MAGED1: variants seen among roughly 807,000 people sequenced by gnomAD.
MAGED1 encodes the protein melanoma-associated antigen D1.
Under a neutral mutation model 54.1 loss-of-function variants are expected in MAGED1, and 3 were observed. The observed-to-expected ratio is 0.06, with a 90% CI of 0.03 to 0.14. MAGED1 has a LOEUF of 0.14. Among genes scored for constraint, MAGED1 ranks in the 10% least tolerant of loss-of-function variants. The pLI is 1.00. For missense variants in MAGED1, 485 were observed against 623.4 expected (o/e 0.78, Z 2.36); for synonymous variants, 217 against 227.3 (o/e 0.95, Z 0.41).
At chrX:51,898,241 A>G (rs782568674) in intron 8 of MAGED1, 44 bp from the exon 9 acceptor site, 8 of 1,209,092 alleles carry the variant, frequency 6.6e-6, no homozygotes, top group Non-Finnish European at 9.0e-6. Context: ...CCTGATTTCC[A>G]TGCTTATTTT....
intron 1 of MAGED1, among the ~76,000 whole-genome samples, chrX:51,812,509 A>G (rs1557355606): frequency 8.9e-6 from 1 of 112,223 alleles, no homozygotes; most frequent in African/African-American, 3.2e-5. Flanking sequence ...GTCTTGAAAT[A>G]TGTGGCCTTC....
intron 1 of MAGED1, among the ~76,000 whole-genome samples, chrX:51,822,120 G>A (rs181828918): frequency 1.4e-3 from 156 of 111,603 alleles, no homozygotes; most frequent in African/African-American, 4.8e-3. Context: ...GTGTTCCCTC[G>A]TCTTCCCTCC....
At chrX:51,836,683 G>C (rs1557357950) in intron 1 of MAGED1, among the ~76,000 whole-genome samples, 1 of 108,046 alleles carries the variant, frequency 9.3e-6, no homozygotes, top group African/African-American at 3.4e-5. Context: ...CCATTCTCCT[G>C]CCTCAGCCTC....
intron 1 of MAGED1, among the ~76,000 whole-genome samples, chrX:51,873,310 C>G (rs1437566304): frequency 9.0e-6 from 1 of 110,993 alleles, no homozygotes; most frequent in Non-Finnish European, 1.9e-5. Context: ...GGGTCCCTCC[C>G]TTGACATGTG....
intron 1 of MAGED1, among the ~76,000 whole-genome samples, chrX:51,849,216 G>A (rs182329756): frequency 1.2e-3 from 136 of 110,753 alleles, no homozygotes; most frequent in African/African-American, 4.0e-3. Context: ...TATCTCAGTC[G>A]TATACCAATT....
At chrX:51,900,671 C>A (rs782760832) in intron 11 of MAGED1, among the ~76,000 whole-genome samples, 2 of 110,657 alleles carry the variant, frequency 1.8e-5, no homozygotes, top group East Asian at 2.8e-4. Flanking sequence ...GCTGTGTTGC[C>A]CAGGCTAGAG....
chrX:51,815,616 G>T (rs1397516193), intron 1 of MAGED1, among the ~76,000 whole-genome samples: 1 of 108,750 alleles, frequency 9.2e-6, no homozygotes, highest in Non-Finnish European at 1.9e-5. Context: ...TCCGCCTCCC[G>T]GGTTCAAGCG....
chrX:51,887,563 A>C (rs1016305727), intron 1 of MAGED1, among the ~76,000 whole-genome samples: 2 of 110,580 alleles, frequency 1.8e-5, no homozygotes, highest in Non-Finnish European at 3.8e-5. Context: ...ACAAAGGTAC[A>C]AAAACAATTC....
intron 10 of MAGED1, chrX:51,898,997 C>A (rs1017756590): frequency 2.6e-5 from 4 of 153,851 alleles, no homozygotes; most frequent in African/African-American, 3.1e-5. Context: ...CAGAGTGAGA[C>A]CCTGTCTCAA....
intron 1 of MAGED1, among the ~76,000 whole-genome samples, chrX:51,880,411 AGAGAGT>A (rs1185462676): frequency 3.6e-5 from 4 of 111,842 alleles, no homozygotes; most frequent in Non-Finnish European, 7.5e-5. Flanking sequence ...ACCCCAAAGC[AGAGAGT>A]GAGAGGGGGA....
chrX:51,804,492 C>T (rs1924961837), intron 1 of MAGED1, among the ~76,000 whole-genome samples: 1 of 111,841 alleles, frequency 8.9e-6, no homozygotes, highest in Non-Finnish European at 1.9e-5. Context: ...ACACTTGTTT[C>T]AACCCACTGT....
At chrX:51,841,294 C>T (rs1283201160) in intron 1 of MAGED1, among the ~76,000 whole-genome samples, 1 of 110,321 alleles carries the variant, frequency 9.1e-6, no homozygotes, top group East Asian at 2.9e-4. Flanking sequence ...TTGTTTTTTT[C>T]TTGTAAATTT....
chrX:51,830,902 A>G (rs1296459388), intron 1 of MAGED1, among the ~76,000 whole-genome samples: 1 of 112,286 alleles, frequency 8.9e-6, no homozygotes, highest in Admixed American at 9.4e-5. Flanking sequence ...TCACTCTGTC[A>G]CCAGGCTGGA....
chrX:51,897,420 T>G (rs1304372637), intron 5 of MAGED1, 127 bp from the exon 6 acceptor site: 6 of 753,140 alleles, frequency 8.0e-6, no homozygotes, highest in Middle Eastern at 3.1e-4. Context: ...TTCTATCCCC[T>G]CCTTTCCATG....
chrX:51,853,825 G>C (rs1366175637), intron 1 of MAGED1, among the ~76,000 whole-genome samples: 2 of 112,178 alleles, frequency 1.8e-5, no homozygotes, highest in Non-Finnish European at 3.8e-5. Context: ...ATAACTCCTT[G>C]CTACATTTTC....
intron 1 of MAGED1, among the ~76,000 whole-genome samples, chrX:51,821,446 A>G (rs1925628311): frequency 9.0e-6 from 1 of 111,238 alleles, no homozygotes; most frequent in African/African-American, 3.3e-5. Context: ...GCTGGAGTAC[A>G]GTGGTGCAAT....
At chrX:51,860,560 G>A (rs1212217120) in intron 1 of MAGED1, among the ~76,000 whole-genome samples, 1 of 111,347 alleles carries the variant, frequency 9.0e-6, no homozygotes, top group Non-Finnish European at 1.9e-5. Context: ...AGGTTTGTGG[G>A]GAAAGAATGA....
chrX:51,845,767 G>A (rs1302881761), intron 1 of MAGED1, among the ~76,000 whole-genome samples: 2 of 111,066 alleles, frequency 1.8e-5, no homozygotes, highest in African/African-American at 6.5e-5. Flanking sequence ...TGGATCTGAT[G>A]TGAATGTTTT....
Position 51,895,228 on chromosome X carries a change from C to G in MAGED1, c.221C>G (p.Pro74Arg), listed in dbSNP as rs1557364061. The change falls in exon 3 of 13, where the codon CCT (proline) becomes CGT (arginine). Residue 74 changes from proline (P) to arginine (R), a missense_variant. Pro to Arg is a moderately radical substitution (Grantham distance 103, BLOSUM62 -2). Around this residue, in one of 2 missense-constraint regions of MAGED1, gnomAD observed 299 missense variants for 293.1 expected, o/e 1.02. Coordinates refer to ENST00000326587, the MANE Select transcript of MAGED1 (RefSeq NM_006986.4). ...CAGGTTTCAGCAGCTGCCGCTAGGCCTAAGTCAGCCTTTAAAGTCCAGAAT... is the reference window on the plus strand; with the variant it reads ...CAGGTTTCAGCAGCTGCCGCTAGGCGTAAGTCAGCCTTTAAAGTCCAGAAT... ...DIQVSAAAAR[P>R]KSAFKVQNAT... 2 of 1,211,638 alleles carry G rather than the reference C, an allele frequency of 1.7e-6. No homozygotes were observed. The highest frequency in any genetic ancestry group is 4.3e-5 in the Admixed American group (2 of 46,051).
Sources: gnomAD v4.1 joint callset for allele counts (sites outside exome capture counted in the v4.1 genomes callset) on GRCh38, gnomAD v4.1.1 for gene constraint, gnomAD v4.1.1 regional missense constraint, MANE v1.5 for transcripts, NCBI Gene and HGNC (gene_info 2026-07-23, HGNC 2026-07-21) for gene names.